The following TENM3 variants were observed in gnomAD, a reference collection of about 807,000 sequenced individuals.
The protein encoded by TENM3 is teneurin transmembrane protein 3.
A neutral mutation model predicts 255.1 loss-of-function variants in TENM3; 63 were observed. That is an observed-to-expected ratio of 0.25 (90% CI 0.20 to 0.30). The LOEUF is 0.30. Among genes scored for constraint, TENM3 ranks in the 10% least tolerant of loss-of-function variants. The pLI is 1.00. For missense variants in TENM3, 2,929 were observed against 3,461.1 expected (o/e 0.85, Z 3.86); for synonymous variants, 1,306 against 1,322.3 (o/e 0.99, Z 0.27).
intron 4 of TENM3, among the ~76,000 whole-genome samples, chr4:182,608,086 G>C (rs748071005): frequency 1.5e-4 from 23 of 152,112 alleles, no homozygotes; most frequent in Non-Finnish European, 2.8e-4. Flanking sequence ...CCATTCACTA[G>C]TATTGTCTGT....
the TENM3 span, among the ~76,000 whole-genome samples, chr4:181,664,034 T>C: frequency 6.6e-6 from 1 of 152,302 alleles, no homozygotes; most frequent in East Asian, 1.9e-4. Context: ...GGTAGTTTAG[T>C]GGTGTGGTTA....
At chr4:182,309,841 C>T (rs1004970964) in intron 1 of TENM3, among the ~76,000 whole-genome samples, 1 of 152,148 alleles carries the variant, frequency 6.6e-6, no homozygotes, top group Admixed American at 6.5e-5. Context: ...TCTCGGACAC[C>T]GGGCAATGTA....
intron 2 of TENM3, among the ~76,000 whole-genome samples, chr4:182,337,725 C>T (rs1764232424): frequency 6.6e-6 from 1 of 152,106 alleles, no homozygotes; most frequent in African/African-American, 2.4e-5. Context: ...CAGCTTTATT[C>T]ATAATAGGCC....
chr4:182,783,505 A>C (rs936024369), intron 24 of TENM3, among the ~76,000 whole-genome samples: 2 of 151,774 alleles, frequency 1.3e-5, no homozygotes, highest in Non-Finnish European at 2.9e-5. Context: ...CCTTCATTTC[A>C]ACTTTGGTGA....
chr4:181,883,506 T>G, the TENM3 span, among the ~76,000 whole-genome samples: 1 of 152,182 alleles, frequency 6.6e-6, no homozygotes, highest in African/African-American at 2.4e-5. Context: ...AGTCTCGCTC[T>G]GTCTGTCGCC....
chr4:181,834,127 AGAAAT>A, the TENM3 span, among the ~76,000 whole-genome samples: 1 of 151,414 alleles, frequency 6.6e-6, no homozygotes, highest in Admixed American at 6.6e-5. Flanking sequence ...AAAAAAAAAA[AGAAAT>A]GAAGAAAGAA....
chr4:182,240,536 A>T (rs754285380), upstream of TENM3, among the ~76,000 whole-genome samples: 2 of 152,220 alleles, frequency 1.3e-5, no homozygotes, highest in South Asian at 2.1e-4. Context: ...GATGTAGACC[A>T]TGTGTCATCA....
the TENM3 span, among the ~76,000 whole-genome samples, chr4:181,531,665 A>G: frequency 6.6e-6 from 1 of 152,252 alleles, no homozygotes; most frequent in Non-Finnish European, 1.5e-5. Context: ...GAAGAAAGAC[A>G]TTAAACAAAT....
intron 3 of TENM3, among the ~76,000 whole-genome samples, chr4:182,406,097 G>C (rs1474941664): frequency 6.6e-6 from 1 of 152,166 alleles, no homozygotes; most frequent in Non-Finnish European, 1.5e-5. Flanking sequence ...CCTGCAGTCA[G>C]GAGTTCAAGA....
At chr4:182,296,831 G>C (rs1471822514) in intron 1 of TENM3, among the ~76,000 whole-genome samples, 2 of 152,040 alleles carry the variant, frequency 1.3e-5, no homozygotes, top group African/African-American at 4.8e-5. Context: ...AACACAAATT[G>C]CTGGTGCTAA....
intron 1 of TENM3, among the ~76,000 whole-genome samples, chr4:182,166,248 C>G (rs1751715799): frequency 6.6e-6 from 1 of 152,196 alleles, no homozygotes; most frequent in East Asian, 1.9e-4. Context: ...TTGCAGCTTT[C>G]CATAGGAAAC....
At chr4:182,287,819 A>G (rs1356074456) in intron 1 of TENM3, among the ~76,000 whole-genome samples, 1 of 151,986 alleles carries the variant, frequency 6.6e-6, no homozygotes, top group Non-Finnish European at 1.5e-5. Context: ...TGGTTTCACC[A>G]TATTGGCCAG....
the TENM3 span, among the ~76,000 whole-genome samples, chr4:181,816,640 C>T: frequency 6.6e-6 from 1 of 152,194 alleles, no homozygotes; most frequent in Non-Finnish European, 1.5e-5. Context: ...CTTCCCCCAT[C>T]AACTGGGTCC....
the TENM3 span, among the ~76,000 whole-genome samples, chr4:181,501,101 A>G: frequency 6.6e-6 from 1 of 152,128 alleles, no homozygotes; most frequent in African/African-American, 2.4e-5. Flanking sequence ...CAATCAAAGA[A>G]AAGAAATTAC....
the TENM3 span, among the ~76,000 whole-genome samples, chr4:181,582,476 C>G: frequency 2.0e-3 from 296 of 151,666 alleles, 2 homozygotes; most frequent in African/African-American, 6.8e-3. Flanking sequence ...GACTTTAAAC[C>G]AAACAAACAG....
chr4:181,893,888 A>G, the TENM3 span, among the ~76,000 whole-genome samples: 3 of 152,186 alleles, frequency 2.0e-5, no homozygotes, highest in Non-Finnish European at 4.4e-5. Context: ...AAATATGTAT[A>G]TTTTAGAGAA....
chr4:182,679,082 A>G (rs1307116349), intron 7 of TENM3, among the ~76,000 whole-genome samples: 3 of 152,150 alleles, frequency 2.0e-5, no homozygotes, highest in Admixed American at 6.5e-5. Flanking sequence ...TAGGGGAGGG[A>G]TAGCATTAGG....
rs74365504 is a variant in TENM3 at position 182,706,973 on chromosome 4, C to A, written c.2222-7114C>A. Among the ~76,000 whole-genome samples the A allele has an allele frequency of 4.6e-4, 67 of 146,746 alleles. No homozygotes were observed. The East Asian group carries it at 7.9e-3, about 17-fold the overall frequency. ...GACCCTGTATCCAAAAAAAAAAAAA[C>A]AAAAAGACTCTGCTATGAGCCAGGC... On this transcript the variant is annotated intron_variant, in intron 12 of 27. Coordinates refer to ENST00000511685, the MANE Select transcript of TENM3 (RefSeq NM_001080477.4).
chr4:181,786,526 C>A, the TENM3 span, among the ~76,000 whole-genome samples: 4 of 151,962 alleles, frequency 2.6e-5, no homozygotes, highest in Non-Finnish European at 5.9e-5. Context: ...CGCACAGAAA[C>A]CAAGATGCAG....
Sources: gnomAD v4.1 joint callset for allele counts (sites outside exome capture counted in the v4.1 genomes callset) on GRCh38, gnomAD v4.1.1 for gene constraint, MANE v1.5 for transcripts, NCBI Gene and HGNC (gene_info 2026-07-23, HGNC 2026-07-21) for gene names.